TOGARAM1: variants seen among roughly 807,000 people sequenced by gnomAD.
TOGARAM1 encodes the protein TOG array regulator of axonemal microtubules 1.
TOGARAM1 carries 100 observed loss-of-function variants against 166.6 expected under a neutral mutation model. That is an observed-to-expected ratio of 0.60 (90% CI 0.51 to 0.71). The LOEUF (loss-of-function observed/expected upper bound fraction) is 0.71. Ranked by LOEUF, TOGARAM1 falls within the 30% of genes least tolerant of loss-of-function variation. The pLI, the probability that TOGARAM1 is intolerant of heterozygous loss-of-function variation, is 0.00. For synonymous variants in TOGARAM1, 758 were observed against 763.8 expected, an observed-to-expected ratio of 0.99 and a Z score of 0.13; for missense variants, 2,029 against 2,102.7, an observed-to-expected ratio of 0.96 and a Z score of 0.69.
At position 44,995,585 on chromosome 14, in the gene TOGARAM1, T is replaced by C. The variant is rs1209476871; in HGVS notation, c.2047-161T>C. 6.2e-6 allele frequency: 4 copies of C among 649,006 alleles called. No homozygotes were observed. In the East Asian group the frequency reaches 1.2e-4, roughly 20 times the overall value. The allele number at this position is 649,006 out of a possible 1,614,324, so 40.2% of individuals were successfully genotyped here. On this transcript the variant is annotated intron_variant, in intron 1 of 19. Coordinates refer to ENST00000361462, the MANE Select transcript of TOGARAM1 (RefSeq NM_001308120.2). Reference sequence around the variant, plus strand: ...CTTCTGGAATGAAAAGTACTGTTGGTGTACCCGACTAAATATGGATGTTTA... The same window carrying C: ...CTTCTGGAATGAAAAGTACTGTTGGCGTACCCGACTAAATATGGATGTTTA...
chr14:45,030,499 T>A (rs1333703724), intron 10 of TOGARAM1, among the ~76,000 whole-genome samples: 4 of 152,180 alleles, frequency 2.6e-5, no homozygotes, highest in African/African-American at 9.7e-5. Flanking sequence ...AATAGTGCTT[T>A]TTTTTATTTG....
intron 4 of TOGARAM1, among the ~76,000 whole-genome samples, chr14:45,005,507 G>A (rs1187186260): frequency 6.6e-6 from 1 of 152,058 alleles, no homozygotes; most frequent in Non-Finnish European, 1.5e-5. Flanking sequence ...CCAGCTACTT[G>A]GGAGGCTGAG....
intron 1 of TOGARAM1, among the ~76,000 whole-genome samples, chr14:44,966,542 C>T (rs1885549815): frequency 6.6e-6 from 1 of 151,998 alleles, no homozygotes. Context: ...GACATTTCTT[C>T]TCTGTTTACT....
At chr14:45,001,534 A>G (rs949293291) in intron 3 of TOGARAM1, among the ~76,000 whole-genome samples, 1 of 152,202 alleles carries the variant, frequency 6.6e-6, no homozygotes, top group Non-Finnish European at 1.5e-5. Flanking sequence ...CAGAATATAT[A>G]AGGAACTCAA....
intron 7 of TOGARAM1, among the ~76,000 whole-genome samples, chr14:45,018,768 T>G (rs1187375305): frequency 1.3e-5 from 2 of 152,230 alleles, no homozygotes; most frequent in Admixed American, 6.5e-5. Context: ...TTTCCATATT[T>G]ATTTACATGT....
At chr14:45,049,529 G>T (rs1235247460) in intron 14 of TOGARAM1, among the ~76,000 whole-genome samples, 2 of 152,158 alleles carry the variant, frequency 1.3e-5, no homozygotes, top group Non-Finnish European at 2.9e-5. Flanking sequence ...AAAGTGCTGG[G>T]ATTATAGGTG....
chr14:45,067,595 C>T (rs996471709), intron 17 of TOGARAM1, among the ~76,000 whole-genome samples: 13 of 151,930 alleles, frequency 8.6e-5, no homozygotes, highest in Admixed American at 5.9e-4. Flanking sequence ...GTGCATTATA[C>T]TTGGCAAACA....
intron 16 of TOGARAM1, among the ~76,000 whole-genome samples, chr14:45,063,169 A>G (rs1417193850): frequency 6.6e-6 from 1 of 152,076 alleles, no homozygotes. Flanking sequence ...ATTTATCAAT[A>G]CTTCATTCCT....
intron 1 of TOGARAM1, among the ~76,000 whole-genome samples, chr14:44,992,041 AGCC>A (rs1887162969): frequency 7.7e-6 from 1 of 129,390 alleles, no homozygotes; most frequent in South Asian, 2.9e-4. Context: ...GTTCTAGGCC[AGCC>A]AAGAGAACAT....
At position 45,045,543 on chromosome 14, in the gene TOGARAM1, GTATATATATATATATATA is replaced by G. The variant is rs375962126; in HGVS notation, c.4154+697_4154+714del. ...GAGTAGTATTCCATGGTCTGTGTGT[GTATATATATATATATATA>G]TATATATATATATATATATATATGT... On this transcript the variant is annotated intron_variant, in intron 13 of 19. Transcript: ENST00000361462. Among the ~76,000 whole-genome samples the G allele has an allele frequency of 3.3e-4, 13 of 38,912 alleles. 1 individual carries two copies. Among genetic ancestry groups the G allele is most frequent in the Admixed American group, 1.6e-3 (4 of 2,488 alleles). 25.5% of individuals were successfully genotyped at this position (38,912 alleles called of 152,430 possible).
chr14:45,003,969 A>G, intron 3 of TOGARAM1, 92 bp from the exon 4 acceptor site: 1 of 1,037,934 alleles, frequency 9.6e-7, no homozygotes, highest in African/African-American at 1.6e-5. Flanking sequence ...AATTGGGATG[A>G]AAACCTGAAT....
At chr14:45,005,949 TA>T (rs1887931934) in intron 4 of TOGARAM1, 58 bp from the exon 5 acceptor site, 1 of 1,433,732 alleles carries the variant, frequency 7.0e-7, no homozygotes. Flanking sequence ...CTTGTGACTA[TA>T]ACTCCCTCTT....
intron 7 of TOGARAM1, 141 bp downstream of exon 7, chr14:45,012,216 C>A: frequency 1.9e-6 from 1 of 521,478 alleles, no homozygotes; most frequent in South Asian, 3.8e-5. Context: ...TTAAAAGGTC[C>A]TTTTGACAGG....
At chr14:45,043,812 A>G in intron 12 of TOGARAM1, 21 bp downstream of exon 12, 2 of 1,341,084 alleles carry the variant, frequency 1.5e-6, no homozygotes, top group African/African-American at 2.9e-5. Flanking sequence ...TTTTCAGATG[A>G]GTTAAGGATT....
At chr14:45,073,240 G>T in intron 19 of TOGARAM1, 56 bp from the exon 20 acceptor site, 1 of 1,501,134 alleles carries the variant, frequency 6.7e-7, no homozygotes, top group Non-Finnish European at 9.0e-7. Flanking sequence ...TTATTTAGCA[G>T]AGCTTGGGCT....
intron 1 of TOGARAM1, among the ~76,000 whole-genome samples, chr14:44,986,895 C>T (rs1007832648): frequency 6.6e-6 from 1 of 150,430 alleles, no homozygotes; most frequent in African/African-American, 2.4e-5. Context: ...AGTCCTAGCT[C>T]CTCGGGAGGC....
intron 1 of TOGARAM1, among the ~76,000 whole-genome samples, chr14:44,968,341 G>C (rs934914601): frequency 2.0e-5 from 3 of 152,094 alleles, no homozygotes; most frequent in Non-Finnish European, 2.9e-5. Context: ...CTCACTGCAA[G>C]CTCCGCCTCC....
At chr14:45,028,937 T>C (rs1051420472) in intron 10 of TOGARAM1, among the ~76,000 whole-genome samples, 1 of 152,130 alleles carries the variant, frequency 6.6e-6, no homozygotes, top group African/African-American at 2.4e-5. Flanking sequence ...GTATCTGAAG[T>C]CTAGATAGCA....
In TOGARAM1 at chr14:44,964,358, C is replaced by T. The variant is rs751783985; in HGVS notation, c.1937C>T (p.Thr646Ile). ...IYGSYSPTIC[T>I]RRVLSAGKGK... Reference sequence around the variant, plus strand: ...GGATCTTACAGCCCAACTATCTGTACCCGAAGGGTATTAAGTGCAGGAAAA... The same window carrying T: ...GGATCTTACAGCCCAACTATCTGTATCCGAAGGGTATTAAGTGCAGGAAAA... The change falls in exon 1 of 20, where the codon ACC becomes ATC. Residue 646 changes from threonine (T) to isoleucine (I), a missense_variant. By Grantham distance (89) the Thr-to-Ile change is moderately conservative. Around this residue, in one of 2 missense-constraint regions of TOGARAM1, gnomAD observed 1,453 missense variants for 1,432.2 expected, o/e 1.01. Transcript: ENST00000361462. The T allele has an allele frequency of 1.9e-6, 3 of 1,614,052 alleles. No homozygotes were observed. Among genetic ancestry groups the T allele is most frequent in the Non-Finnish European group, 2.5e-6 (3 of 1,180,018 alleles).
Sources: allele counts gnomAD v4.1 joint callset (sites outside exome capture counted in the v4.1 genomes callset), GRCh38; gene constraint gnomAD v4.1.1; regional missense constraint gnomAD v4.1.1; transcripts MANE v1.5; gene names NCBI Gene and HGNC (gene_info 2026-07-23, HGNC 2026-07-21).